The following CACNA2D2 variants were observed in gnomAD, a reference collection of about 807,000 sequenced individuals.
CACNA2D2 encodes the protein voltage-dependent calcium channel subunit alpha-2/delta-2.
A neutral mutation model predicts 166.4 loss-of-function variants in CACNA2D2; 48 were observed. The observed-to-expected ratio is 0.29, with a 90% CI of 0.23 to 0.37. The LOEUF (loss-of-function observed/expected upper bound fraction) is 0.37, where lower values mean the gene tolerates loss of function less well. Among genes scored for constraint, CACNA2D2 ranks in the 10% least tolerant of loss-of-function variants. The pLI is 1.00. For missense variants in CACNA2D2, 1,122 were observed against 1,433.0 expected (o/e 0.78, Z 3.50); for synonymous variants, 561 against 573.7 (o/e 0.98, Z 0.32).
intron 1 of CACNA2D2, among the ~76,000 whole-genome samples, chr3:50,496,449 T>C (rs1698729462): frequency 6.6e-6 from 1 of 152,076 alleles, no homozygotes; most frequent in African/African-American, 2.4e-5. Context: ...CAAGCTGACA[T>C]GTGCACACAG....
intron 1 of CACNA2D2, among the ~76,000 whole-genome samples, chr3:50,498,874 A>C (rs1698838019): frequency 6.6e-6 from 1 of 152,188 alleles, no homozygotes; most frequent in African/African-American, 2.4e-5. Flanking sequence ...AGTGTCTGAC[A>C]GATCTATCCT....
chr3:50,474,711 A>G (rs1253537654), intron 2 of CACNA2D2, among the ~76,000 whole-genome samples: 1 of 152,220 alleles, frequency 6.6e-6, no homozygotes, highest in Non-Finnish European at 1.5e-5. Context: ...GGCTGCACAC[A>G]TCAGGGAGCT....
chr3:50,368,370 G>T lies in CACNA2D2; in HGVS notation c.2046-135C>A, dbSNP rs938600027. ...AGGGAGGGGCACATGGGTTCTTCCT[G>T]GCTGCAGCTGCTACATGCCTGGCAG... is the stretch of plus-strand genomic sequence containing the variant. On this transcript the variant is annotated intron_variant, in intron 23 of 37. Coordinates refer to ENST00000424201, the MANE Select transcript of CACNA2D2 (RefSeq NM_006030.4). 6.0e-6 allele frequency: 4 copies of T among 667,742 alleles called. No individual in the cohort carries two copies. The Admixed American group carries it at 7.2e-5, about 12-fold the overall frequency. The allele number at this position is 667,742 out of a possible 1,614,324, so 41.4% of individuals were successfully genotyped here.
At chr3:50,468,732 T>G (rs1559978892) in intron 2 of CACNA2D2, among the ~76,000 whole-genome samples, 1 of 151,954 alleles carries the variant, frequency 6.6e-6, no homozygotes, top group Admixed American at 6.6e-5. Context: ...TATTTTCTTA[T>G]GCACTAACTT....
Position 50,364,451 on chromosome 3 carries a change from T to C in CACNA2D2, c.*215A>G, listed in dbSNP as rs1704098128. On this transcript the variant is annotated 3_prime_UTR_variant, in exon 38 of 38. Transcript: ENST00000424201. ...AAGGGTCTGGGGACACTTGAACAGT[T>C]CGGAGGTGAGATGTGATTTGGGTGC... 1.6e-6 allele frequency: 1 copy of C among 609,272 alleles called. No homozygotes were observed. The highest frequency in any genetic ancestry group is 3.2e-5 in the Admixed American group (1 of 31,352). The allele number at this position is 609,272 out of a possible 1,614,324, so 37.7% of individuals were successfully genotyped here.
chr3:50,478,729 GTCACAAAAGCTGAC>G (rs1463551898), intron 1 of CACNA2D2, among the ~76,000 whole-genome samples: 1 of 152,212 alleles, frequency 6.6e-6, no homozygotes, highest in East Asian at 1.9e-4. Context: ...GTGTGCTGGA[GTCACAAAAGCTGAC>G]TCACAAAAGC....
chr3:50,455,750 C>A (rs1709332881), intron 2 of CACNA2D2, among the ~76,000 whole-genome samples: 1 of 152,168 alleles, frequency 6.6e-6, no homozygotes, highest in Admixed American at 6.5e-5. Context: ...GAGCTGAAGA[C>A]CACACTTGGC....
intron 2 of CACNA2D2, among the ~76,000 whole-genome samples, chr3:50,434,762 A>C (rs1295659404): frequency 6.6e-6 from 1 of 152,230 alleles, no homozygotes; most frequent in Non-Finnish European, 1.5e-5. Flanking sequence ...AGCTCAAGGT[A>C]ACTGTGAATA....
chr3:50,468,995 GT>G (rs1445450135), intron 2 of CACNA2D2, among the ~76,000 whole-genome samples: 1 of 151,944 alleles, frequency 6.6e-6, no homozygotes, highest in Non-Finnish European at 1.5e-5. Context: ...TGCCTAGCTA[GT>G]TTTTCTATTT....
At chr3:50,378,247 G>GC (rs763966452) in intron 14 of CACNA2D2, 37 bp downstream of exon 14, 9 of 1,555,202 alleles carry the variant, frequency 5.8e-6, no homozygotes, top group Non-Finnish European at 7.8e-6. Context: ...CTGCAGGGAA[G>GC]CCAGGGGCTG....
chr3:50,472,223 G>T (rs971716517), intron 2 of CACNA2D2, among the ~76,000 whole-genome samples: 1 of 152,236 alleles, frequency 6.6e-6, no homozygotes, highest in South Asian at 2.1e-4. Flanking sequence ...TGTATGACAG[G>T]ATCACAGGAA....
intron 2 of CACNA2D2, among the ~76,000 whole-genome samples, chr3:50,442,318 G>T (rs1490549667): frequency 4.6e-5 from 7 of 152,198 alleles, no homozygotes; most frequent in Non-Finnish European, 7.3e-5. Flanking sequence ...AACAAATGCT[G>T]CAGGACCAAA....
chr3:50,488,787 C>G (rs1698399906), intron 1 of CACNA2D2, among the ~76,000 whole-genome samples: 1 of 152,046 alleles, frequency 6.6e-6, no homozygotes, highest in African/African-American at 2.4e-5. Flanking sequence ...GCAAGCTCCG[C>G]CCCTCGGGTT....
intron 3 of CACNA2D2, among the ~76,000 whole-genome samples, chr3:50,403,180 AG>A (rs1165126126): frequency 6.6e-6 from 1 of 152,182 alleles, no homozygotes; most frequent in Non-Finnish European, 1.5e-5. Context: ...AAACACTGCC[AG>A]GGCCCCTCCC....
At chr3:50,412,956 G>T (rs1452765472) in intron 3 of CACNA2D2, among the ~76,000 whole-genome samples, 1 of 152,202 alleles carries the variant, frequency 6.6e-6, no homozygotes, top group Non-Finnish European at 1.5e-5. Flanking sequence ...GACTGCCAGG[G>T]CCCAGGACTT....
intron 2 of CACNA2D2, among the ~76,000 whole-genome samples, chr3:50,457,987 G>T (rs1012728864): frequency 6.6e-6 from 1 of 152,162 alleles, no homozygotes; most frequent in African/African-American, 2.4e-5. Context: ...CTGCCCCAAA[G>T]GGATGAGCCT....
chr3:50,439,708 A>G (rs893687274), intron 2 of CACNA2D2, among the ~76,000 whole-genome samples: 1 of 152,220 alleles, frequency 6.6e-6, no homozygotes, highest in Non-Finnish European at 1.5e-5. Flanking sequence ...GAACCACCTC[A>G]AGAGGCCACA....
Position 50,366,962 on chromosome 3 carries a change from C to G in CACNA2D2, c.2501-43G>C. The G allele has an allele frequency of 6.2e-7, 1 of 1,612,942 alleles. No homozygotes were observed. The highest frequency in any genetic ancestry group is 8.5e-7 in the Non-Finnish European group (1 of 1,179,248). Reference sequence around the variant, plus strand: ...GGACCATCAGTGCTACCTGCCCAGGCAGTACCCTGTCCATTGCCTGTTTCC... The same window carrying G: ...GGACCATCAGTGCTACCTGCCCAGGGAGTACCCTGTCCATTGCCTGTTTCC... On this transcript the variant is annotated intron_variant, in intron 28 of 37. Transcript: ENST00000424201. The surrounding 1 kb of genome is among the most constrained non-coding windows in gnomAD (Gnocchi z 5.9).
At chr3:50,444,779 G>C (rs1292543829) in intron 2 of CACNA2D2, among the ~76,000 whole-genome samples, 2 of 152,232 alleles carry the variant, frequency 1.3e-5, no homozygotes, top group African/African-American at 4.8e-5. Flanking sequence ...GATAAGGGTA[G>C]AGAGATGAAG....
Sources: allele counts gnomAD v4.1 joint callset (sites outside exome capture counted in the v4.1 genomes callset), GRCh38; gene constraint gnomAD v4.1.1; non-coding constraint Gnocchi (gnomAD v3.1); transcripts MANE v1.5; gene names NCBI Gene and HGNC (gene_info 2026-07-23, HGNC 2026-07-21).